The following LUZP2 variants were observed in gnomAD, a reference collection of about 807,000 sequenced individuals.
LUZP2 encodes the protein leucine zipper protein 2.
Under a neutral mutation model 51.6 loss-of-function variants are expected in LUZP2, and 52 were observed. That is an observed-to-expected ratio of 1.01 (90% CI 0.81 to 1.27). The LOEUF is 1.27. Among genes scored for constraint, LUZP2 ranks in the 50% most tolerant of loss-of-function variants. LUZP2 has a pLI of 0.00. For missense variants in LUZP2, 436 were observed against 395.4 expected (o/e 1.10, Z -0.87); for synonymous variants, 154 against 137.3 (o/e 1.12, Z -0.85).
chr11:25,077,248 A>G (rs1248676800), intron 10 of LUZP2, 81 bp from the exon 11 acceptor site: 5 of 1,037,132 alleles, frequency 4.8e-6, no homozygotes, highest in African/African-American at 1.6e-5. Flanking sequence ...AACAGGAAGA[A>G]TTCAAGAGAG....
intron 1 of LUZP2, among the ~76,000 whole-genome samples, chr11:24,673,110 C>G (rs1420718083): frequency 1.3e-5 from 2 of 152,164 alleles, no homozygotes; most frequent in East Asian, 3.9e-4. Context: ...ACCCTTCCTC[C>G]ATCCATGGAA....
At chr11:24,873,370 G>A (rs1286204669) in intron 5 of LUZP2, among the ~76,000 whole-genome samples, 4 of 152,060 alleles carry the variant, frequency 2.6e-5, no homozygotes, top group Non-Finnish European at 4.4e-5. Context: ...TATATAATAA[G>A]CCCAGCATAA....
rs527758382 is a variant in LUZP2 at position 25,056,555 on chromosome 11, T to C, written c.858+6425T>C. ...TTACATAAAACCTAGATGTGTATAT[T>C]GACTTTGCTGTTTCCTAACATTGTC... On this transcript the variant is annotated intron_variant, in intron 10 of 11. Coordinates refer to ENST00000336930, the MANE Select transcript of LUZP2 (RefSeq NM_001009909.4). Among the ~76,000 whole-genome samples, 35 of 152,260 alleles carry C rather than the reference T, an allele frequency of 2.3e-4. 1 individual carries two copies. The highest frequency in any genetic ancestry group is 2.4e-4 in the Non-Finnish European group (16 of 68,012).
intron 1 of LUZP2, among the ~76,000 whole-genome samples, chr11:24,549,420 C>A (rs1287051835): frequency 2.0e-5 from 3 of 151,964 alleles, no homozygotes; most frequent in Non-Finnish European, 2.9e-5. Context: ...TGCCTGAGGT[C>A]GTTTTACTCT....
At chr11:24,535,905 T>C (rs539278830) in intron 1 of LUZP2, among the ~76,000 whole-genome samples, 1 of 150,204 alleles carries the variant, frequency 6.7e-6, no homozygotes, top group East Asian at 1.9e-4. Context: ...TTATAAAATG[T>C]TTTTTTTAAA....
chr11:24,736,477 TTC>T (rs1310212689), intron 3 of LUZP2, among the ~76,000 whole-genome samples: 2 of 10,222 alleles, frequency 2.0e-4, no homozygotes, highest in Non-Finnish European at 6.5e-4. Flanking sequence ...AGGTCCTTCC[TTC>T]CTTCCTTCCT....
Position 24,959,962 on chromosome 11 carries a change from G to C in LUZP2, c.523-16629G>C, listed in dbSNP as rs1321625563. Among the ~76,000 whole-genome samples the C allele has an allele frequency of 2.0e-5, 3 of 152,082 alleles. No individual in the cohort carries two copies. In the East Asian group the frequency reaches 5.8e-4, roughly 29 times the overall value. On this transcript the variant is annotated intron_variant, in intron 7 of 11. Transcript: ENST00000336930. ...TTTATTGAGAGTTTTTAGCATGAAG[G>C]TTGTTGAATTTTGTCAAAAGCCTTT...
At chr11:24,506,653 T>C (rs1850153740) in intron 1 of LUZP2, among the ~76,000 whole-genome samples, 1 of 152,130 alleles carries the variant, frequency 6.6e-6, no homozygotes, top group Admixed American at 6.6e-5. Flanking sequence ...GACCAAGATT[T>C]CTGAGGACTA....
At position 24,607,995 on chromosome 11, in the gene LUZP2, T is replaced by G. The variant is rs12270953; in HGVS notation, c.62+110690T>G. ...TCCCGAGTAGCTGGGACTACAGATG[T>G]CCGCCACCACGCCCAGCTAATTTTT... On this transcript the variant is annotated intron_variant, in intron 1 of 11. Transcript: ENST00000336930. 1.3e-4 allele frequency among the ~76,000 whole-genome samples: 20 copies of G among 151,740 alleles called. 2 individuals are homozygous for G. The highest frequency in any genetic ancestry group is 4.3e-4 in the African/African-American group (18 of 41,382).
At chr11:24,683,732 C>T (rs1012848673) in intron 1 of LUZP2, among the ~76,000 whole-genome samples, 1 of 152,206 alleles carries the variant, frequency 6.6e-6, no homozygotes, top group African/African-American at 2.4e-5. Flanking sequence ...ATGGCACCTA[C>T]ACATCACCTA....
chr11:24,787,431 C>T (rs1387559326), intron 5 of LUZP2, among the ~76,000 whole-genome samples: 2 of 152,112 alleles, frequency 1.3e-5, no homozygotes, highest in Non-Finnish European at 2.9e-5. Context: ...GTTAGAATCT[C>T]ATTAATGTTA....
At chr11:25,069,519 A>G (rs780754732) in intron 10 of LUZP2, among the ~76,000 whole-genome samples, 5 of 151,916 alleles carry the variant, frequency 3.3e-5, no homozygotes, top group Non-Finnish European at 7.4e-5. Context: ...TCTGGAAATA[A>G]TAACAGTTTT....
chr11:24,704,436 C>G (rs899171186), intron 1 of LUZP2, among the ~76,000 whole-genome samples: 20 of 142,574 alleles, frequency 1.4e-4, no homozygotes, highest in African/African-American at 4.9e-4. Context: ...CTTAAATATA[C>G]TAAATCAGAA....
At chr11:24,696,904 T>C (rs1169655090) in intron 1 of LUZP2, among the ~76,000 whole-genome samples, 1 of 152,108 alleles carries the variant, frequency 6.6e-6, no homozygotes, top group East Asian at 1.9e-4. Context: ...GAACTAGCTA[T>C]GCATGGATGA....
At chr11:24,780,388 C>T (rs943252861) in intron 5 of LUZP2, among the ~76,000 whole-genome samples, 4 of 152,060 alleles carry the variant, frequency 2.6e-5, no homozygotes, top group South Asian at 2.1e-4. Context: ...AAAATCAATT[C>T]GATCTTCCAC....
At chr11:24,607,778 T>C (rs1853978153) in intron 1 of LUZP2, among the ~76,000 whole-genome samples, 1 of 152,068 alleles carries the variant, frequency 6.6e-6, no homozygotes, top group Non-Finnish European at 1.5e-5. Flanking sequence ...AGTTAAAATA[T>C]ATCTACCTAA....
rs199520591 is a variant in LUZP2 at position 24,540,879 on chromosome 11, A to AT, written c.62+43577dup. 4.3e-3 allele frequency among the ~76,000 whole-genome samples: 657 copies of AT among 152,250 alleles called. 12 individuals are homozygous for AT. The highest frequency in any genetic ancestry group is 0.015 in the African/African-American group (612 of 41,556). On this transcript the variant is annotated intron_variant, in intron 1 of 11. Transcript: ENST00000336930. The stretch of plus-strand genomic sequence containing the variant: ...CCTAAATAACACAAAACAAAAAAAA[A>AT]TTTGAAACAAAATAGACAAAACATA...
chr11:24,799,466 G>A lies in LUZP2; in HGVS notation c.396+36158G>A, dbSNP rs1208223130. ...CAAAAATTAGCCAGGTGTGGTGGCA[G>A]GCGCCTGTAATCCCAGCTACTCAGA... On this transcript the variant is annotated intron_variant, in intron 5 of 11. Coordinates refer to ENST00000336930, the MANE Select transcript of LUZP2 (RefSeq NM_001009909.4). Among the ~76,000 whole-genome samples the A allele has an allele frequency of 5.9e-5, 9 of 152,048 alleles. No homozygotes were observed. In the East Asian group the frequency reaches 1.7e-3, roughly 30 times the overall value.
chr11:24,560,783 T>C (rs1396969457), intron 1 of LUZP2, among the ~76,000 whole-genome samples: 2 of 152,208 alleles, frequency 1.3e-5, no homozygotes, highest in East Asian at 3.8e-4. Context: ...GTTGAAAAAC[T>C]GATGATGCCC....
Sources: allele counts gnomAD v4.1 joint callset (sites outside exome capture counted in the v4.1 genomes callset), GRCh38; gene constraint gnomAD v4.1.1; transcripts MANE v1.5; gene names NCBI Gene and HGNC (gene_info 2026-07-23, HGNC 2026-07-21).